Variants in DDX50 observed in about 807,000 individuals in gnomAD.
DDX50 encodes ATP-dependent RNA helicase DDX50.
Under a neutral mutation model 94.8 loss-of-function variants are expected in DDX50, and 56 were observed. That is an observed-to-expected ratio of 0.59 (90% CI 0.48 to 0.74). The LOEUF (loss-of-function observed/expected upper bound fraction) is 0.74. DDX50 is among the 30% of genes least tolerant of loss of function. DDX50 has a pLI of 0.00. For synonymous variants in DDX50, 264 were observed against 295.4 expected (o/e 0.89, Z 1.09); for missense variants, 713 against 881.2 (o/e 0.81, Z 2.42).
At chr10:68,932,374 C>G (rs1842295622) in intron 8 of DDX50, among the ~76,000 whole-genome samples, 1 of 152,184 alleles carries the variant, frequency 6.6e-6, no homozygotes, top group African/African-American at 2.4e-5. Context: ...ATTCTCCTGC[C>G]TTAACCTCTC....
intron 8 of DDX50, among the ~76,000 whole-genome samples, chr10:68,923,230 T>TC (rs397703575): frequency 6.8e-6 from 1 of 147,252 alleles, no homozygotes; most frequent in Non-Finnish European, 1.5e-5. Context: ...TATTTTTTTT[T>TC]CGGAGATGGG....
At chr10:68,941,252 A>G in intron 13 of DDX50, 58 bp downstream of exon 13, 1 of 1,585,348 alleles carries the variant, frequency 6.3e-7, no homozygotes. Flanking sequence ...ATGTTTACAA[A>G]CACTAGCAAA....
chr10:68,919,417 G>A (rs558200059), intron 7 of DDX50, among the ~76,000 whole-genome samples: 11 of 152,092 alleles, frequency 7.2e-5, no homozygotes, highest in Admixed American at 1.3e-4. Flanking sequence ...CTCATGCCCC[G>A]TCCCAGTCAG....
chr10:68,931,021 A>C (rs1226139214), intron 8 of DDX50, among the ~76,000 whole-genome samples: 1 of 152,114 alleles, frequency 6.6e-6, no homozygotes, highest in African/African-American at 2.4e-5. Context: ...CCAAAGCATC[A>C]CTTTTTAGGG....
intron 8 of DDX50, among the ~76,000 whole-genome samples, chr10:68,929,887 C>G (rs1299011648): frequency 6.6e-6 from 1 of 151,868 alleles, no homozygotes; most frequent in Non-Finnish European, 1.5e-5. Context: ...TGTGCAACAC[C>G]ATACCCGGCT....
chr10:68,928,084 G>A (rs1161353665), intron 8 of DDX50, among the ~76,000 whole-genome samples: 1 of 152,138 alleles, frequency 6.6e-6, no homozygotes, highest in African/African-American at 2.4e-5. Context: ...GGGAAGCCAA[G>A]ACAGGAAAAT....
At chr10:68,906,625 T>C in intron 1 of DDX50, 86 bp from the exon 2 acceptor site, 1 of 1,437,260 alleles carries the variant, frequency 7.0e-7, no homozygotes, top group Non-Finnish European at 9.5e-7. Flanking sequence ...TGAGCTGAAC[T>C]GGTGGGGGAG....
chr10:68,901,671 G>A (rs1564596238), intron 1 of DDX50, among the ~76,000 whole-genome samples, 200 bp downstream of exon 1: 1 of 152,168 alleles, frequency 6.6e-6, no homozygotes, highest in African/African-American at 2.4e-5. Context: ...ATGGCCCTGG[G>A]CTTTGGGCCT....
intron 1 of DDX50, among the ~76,000 whole-genome samples, chr10:68,901,969 T>TG (rs762504512): frequency 6.6e-6 from 1 of 152,146 alleles, no homozygotes; most frequent in Non-Finnish European, 1.5e-5. Context: ...CACTGAGACT[T>TG]GCCAGGATTT....
rs752393118 is a variant in DDX50 at position 68,906,897 on chromosome 10, A to C, written c.274A>C (p.Arg92=). The stretch of plus-strand genomic sequence containing the variant: ...TGAATTCTCCAAATCTCATAAGTCA[A>C]GAAGAAAAGATCTACCAAATGGAGA... ...SDEFSKSHKS[R]RKDLPNGDID... is the part of the protein sequence containing the mutation. Residue 92 remains arginine, a synonymous_variant, in exon 2 of 15, where the codon AGA becomes CGA. Transcript: ENST00000373585. The C allele has an allele frequency of 6.2e-7, 1 of 1,610,932 alleles. No individual in the cohort carries two copies.
intron 8 of DDX50, among the ~76,000 whole-genome samples, chr10:68,930,393 T>C (rs956398495): frequency 6.6e-5 from 10 of 151,844 alleles, no homozygotes; most frequent in African/African-American, 2.4e-4. Flanking sequence ...GCTGGGATTA[T>C]AGGCGTGAGC....
At chr10:68,937,118 T>C (rs1842441666) in intron 12 of DDX50, 23 bp downstream of exon 12, 2 of 1,573,734 alleles carry the variant, frequency 1.3e-6, no homozygotes, top group Middle Eastern at 1.8e-4. Context: ...GAGAAAATTG[T>C]ACATGAGTGG....
chr10:68,934,360 G>C lies in DDX50; in HGVS notation c.1401G>C (p.Gln467His), dbSNP rs1404566951. 1 of 1,612,962 alleles carries C rather than the reference G, an allele frequency of 6.2e-7. No individual in the cohort carries two copies. The change falls in exon 9 of 15, where the codon CAG becomes CAC. Residue 467 changes from glutamine to histidine, a missense_variant and splice_region_variant. Physicochemically the swap from Gln to His is conservative, Grantham distance 24 (BLOSUM62 0). Around this residue, in one of 2 missense-constraint regions of DDX50, gnomAD observed 428 missense variants for 602.3 expected, o/e 0.71. Coordinates refer to ENST00000373585, the MANE Select transcript of DDX50 (RefSeq NM_024045.2). This position sits in a 1 kb window ranked among gnomAD's most constrained non-coding sequence, Gnocchi z 4.0. ...VDLVIQSSPP[Q>H]DVESYIHRSG... ...TGGTGATTCAAAGTTCTCCTCCTCAGGTAGGAAATGGGATTTGATTTGGGA... is the reference window on the plus strand; with the variant it reads ...TGGTGATTCAAAGTTCTCCTCCTCACGTAGGAAATGGGATTTGATTTGGGA...
chr10:68,940,725 T>TAAA (rs1262169733), intron 12 of DDX50, among the ~76,000 whole-genome samples: 1 of 152,142 alleles, frequency 6.6e-6, no homozygotes, highest in Admixed American at 6.6e-5. Context: ...GCCAAGGTTT[T>TAAA]CGTTCCAAGC....
At position 68,933,442 on chromosome 10, in the gene DDX50, T is replaced by C. The variant is rs114155663; in HGVS notation, c.1240-757T>C. 3.2e-3 allele frequency among the ~76,000 whole-genome samples: 492 copies of C among 152,268 alleles called. 7 individuals are homozygous for C. The highest frequency in any genetic ancestry group is 0.011 in the African/African-American group (461 of 41,552). ...GTTCATCAGTAGGATATTGCTAAAA[T>C]AGATGCTGGTGCATCCATATGAATA... is the stretch of plus-strand genomic sequence containing the variant. On this transcript the variant is annotated intron_variant, in intron 8 of 14. Transcript: ENST00000373585.
chr10:68,926,246 AAG>A (rs998701428), intron 8 of DDX50, among the ~76,000 whole-genome samples: 45 of 149,846 alleles, frequency 3.0e-4, no homozygotes, highest in African/African-American at 1.1e-3. Flanking sequence ...TAAATAGTGA[AAG>A]AGTGGTAGAG....
intron 14 of DDX50, 86 bp from the exon 15 acceptor site, chr10:68,946,266 A>T: frequency 6.9e-7 from 1 of 1,458,116 alleles, no homozygotes; most frequent in Middle Eastern, 2.5e-4. Flanking sequence ...GCTAATAGAT[A>T]TGAAAAAGGT....
At chr10:68,911,507 T>G (rs1366226006) in intron 4 of DDX50, 3 of 268,506 alleles carry the variant, frequency 1.1e-5, no homozygotes, top group African/African-American at 4.4e-5. Context: ...TTATTTACAG[T>G]TTTTATATTT....
intron 8 of DDX50, among the ~76,000 whole-genome samples, chr10:68,929,570 C>T (rs563598678): frequency 1.3e-5 from 2 of 151,386 alleles, no homozygotes; most frequent in East Asian, 2.0e-4. Context: ...GGACTACAGG[C>T]GTGCACCACC....
Sources: gnomAD v4.1 joint callset for allele counts (sites outside exome capture counted in the v4.1 genomes callset) on GRCh38, gnomAD v4.1.1 for gene constraint, gnomAD v4.1.1 regional missense constraint, Gnocchi (gnomAD v3.1) non-coding constraint, MANE v1.5 for transcripts, NCBI Gene and HGNC (gene_info 2026-07-23, HGNC 2026-07-21) for gene names.